The following CALN1 variants were observed in gnomAD, a reference collection of about 807,000 sequenced individuals.
CALN1 encodes calcium-binding protein 8.
A neutral mutation model predicts 30.6 loss-of-function variants in CALN1; 17 were observed. The ratio of observed to expected loss-of-function variants is 0.56; its 90% CI spans 0.38 to 0.83. CALN1 has a LOEUF of 0.83. Among genes scored for constraint, CALN1 ranks in the 40% least tolerant of loss-of-function variants. CALN1 has a pLI of 0.00. For synonymous variants in CALN1, 156 were observed against 131.4 expected, an observed-to-expected ratio of 1.19 and a Z score of -1.28; for missense variants, 291 against 354.9, an observed-to-expected ratio of 0.82 and a Z score of 1.45.
At chr7:72,000,048 A>G (rs113171133) in intron 5 of CALN1, among the ~76,000 whole-genome samples, 3,314 of 152,262 alleles carry the variant, frequency 0.022, 110 homozygotes, top group African/African-American at 0.075. Context: ...GTAAATAAAA[A>G]TACAGAGAAC....
intron 3 of CALN1, among the ~76,000 whole-genome samples, chr7:72,221,942 T>C (rs1793335230): frequency 1.3e-5 from 2 of 151,664 alleles, no homozygotes; most frequent in Non-Finnish European, 2.9e-5. Flanking sequence ...AAAAGAGTTT[T>C]AGGCCAGGTG....
intron 5 of CALN1, among the ~76,000 whole-genome samples, chr7:71,864,011 T>G (rs989255984): frequency 2.0e-5 from 3 of 152,196 alleles, no homozygotes; most frequent in African/African-American, 4.8e-5. Flanking sequence ...ATTCCCCTAT[T>G]CTCTGCAAAG....
chr7:71,934,395 TAAAGA>T (rs1289262064), intron 5 of CALN1, among the ~76,000 whole-genome samples: 1 of 152,200 alleles, frequency 6.6e-6, no homozygotes, highest in African/African-American at 2.4e-5. Context: ...GGGTAATTTA[TAAAGA>T]AAAGAGGTTT....
intron 4 of CALN1, among the ~76,000 whole-genome samples, chr7:72,028,717 C>A (rs112388929): frequency 6.6e-6 from 1 of 152,158 alleles, no homozygotes; most frequent in Non-Finnish European, 1.5e-5. Context: ...ATTGGCCAGG[C>A]GCAGTGGCTC....
At chr7:72,487,943 AAGG>A in the CALN1 span, among the ~76,000 whole-genome samples, 3 of 70,070 alleles carry the variant, frequency 4.3e-5, no homozygotes, top group Middle Eastern at 6.4e-3. Context: ...GGAAGGAAGG[AAGG>A]AAGGAAGGAA....
chr7:71,819,170 T>C (rs1788446609), intron 5 of CALN1, among the ~76,000 whole-genome samples: 1 of 151,982 alleles, frequency 6.6e-6, no homozygotes, highest in African/African-American at 2.4e-5. Context: ...TTTATTTTTA[T>C]TGTGGTAAAA....
intron 3 of CALN1, among the ~76,000 whole-genome samples, chr7:72,203,979 C>CTTTGTTTTTTTTTT (rs1791632805): frequency 1.2e-5 from 1 of 83,778 alleles, no homozygotes; most frequent in African/African-American, 5.2e-5. Context: ...AGGCCTCTCT[C>CTTTGTTTTTTTTTT]TTTTTTTTTT....
chr7:71,794,315 C>T (rs538732041), intron 6 of CALN1, among the ~76,000 whole-genome samples: 10 of 152,270 alleles, frequency 6.6e-5, no homozygotes, highest in South Asian at 6.2e-4. Flanking sequence ...GACAGAACTG[C>T]GACCTGGCAC....
rs113491028 is a variant in CALN1, at chr7:71,881,940, G to A, written c.502-71448C>T. Among the ~76,000 whole-genome samples the A allele has an allele frequency of 2.2e-3, 338 of 152,054 alleles. 1 individual carries two copies. Among genetic ancestry groups the A allele is most frequent in the African/African-American group, 7.8e-3 (324 of 41,492 alleles). On this transcript the variant is annotated intron_variant, in intron 5 of 6. Transcript: ENST00000395275. Reference sequence around the variant, plus strand: ...AAAAAAAAATTAGCCACATGTGGTGGTATATGCCTGTAGTCCCAGCTACTT... The same window carrying A: ...AAAAAAAAATTAGCCACATGTGGTGATATATGCCTGTAGTCCCAGCTACTT...
intron 2 of CALN1, among the ~76,000 whole-genome samples, chr7:72,299,623 A>G (rs1318318745): frequency 5.9e-5 from 9 of 151,978 alleles, no homozygotes; most frequent in African/African-American, 1.9e-4. Context: ...TTAATAAAGT[A>G]TGCAAAAACA....
chr7:72,157,688 T>A (rs575228425), intron 3 of CALN1, among the ~76,000 whole-genome samples: 1 of 152,116 alleles, frequency 6.6e-6, no homozygotes, highest in Non-Finnish European at 1.5e-5. Context: ...CCAGAAGATA[T>A]GAATTCACCT....
chr7:72,267,723 TG>T (rs1225515374), intron 3 of CALN1, among the ~76,000 whole-genome samples: 2 of 152,232 alleles, frequency 1.3e-5, no homozygotes, highest in Admixed American at 1.3e-4. Context: ...TAACAGTACC[TG>T]GGCCGGGTGT....
chr7:72,335,320 T>C (rs1801941490), intron 2 of CALN1, among the ~76,000 whole-genome samples: 1 of 152,184 alleles, frequency 6.6e-6, no homozygotes, highest in South Asian at 2.1e-4. Flanking sequence ...TGAAAAATAA[T>C]TTCCCTTTTT....
chr7:72,217,277 T>C (rs567327558), intron 3 of CALN1, among the ~76,000 whole-genome samples: 2 of 152,116 alleles, frequency 1.3e-5, no homozygotes, highest in South Asian at 4.2e-4. Context: ...CTGTCCTAGG[T>C]AGCACAGCAC....
intron 5 of CALN1, among the ~76,000 whole-genome samples, chr7:71,952,805 C>A (rs914443166): frequency 2.6e-5 from 4 of 152,140 alleles, no homozygotes; most frequent in African/African-American, 9.7e-5. Flanking sequence ...AGGATCCCTG[C>A]ATCCTTCCTG....
At chr7:72,492,667 G>C in the CALN1 span, among the ~76,000 whole-genome samples, 8 of 152,202 alleles carry the variant, frequency 5.3e-5, no homozygotes, top group African/African-American at 1.9e-4. Flanking sequence ...TCTAATAGTT[G>C]GACTAGTGAT....
chr7:72,344,886 A>G (rs1166200615), intron 2 of CALN1, among the ~76,000 whole-genome samples: 2 of 147,680 alleles, frequency 1.4e-5, no homozygotes, highest in Admixed American at 6.8e-5. Context: ...ATATATAAAT[A>G]GCATATATTT....
intron 2 of CALN1, among the ~76,000 whole-genome samples, chr7:72,336,407 C>T (rs1311600914): frequency 1.3e-5 from 2 of 152,104 alleles, no homozygotes; most frequent in Admixed American, 1.3e-4. Context: ...CCGCACGGTG[C>T]CGGGACAGCC....
chr7:71,830,426 C>A (rs549530908), intron 5 of CALN1, among the ~76,000 whole-genome samples: 7 of 152,224 alleles, frequency 4.6e-5, no homozygotes, highest in African/African-American at 1.7e-4. Flanking sequence ...CGGCTCACTG[C>A]AACCTCTGCC....
Sources: allele counts gnomAD v4.1 joint callset (sites outside exome capture counted in the v4.1 genomes callset), GRCh38; gene constraint gnomAD v4.1.1; transcripts MANE v1.5; gene names NCBI Gene and HGNC (gene_info 2026-07-23, HGNC 2026-07-21).